The following LMNB1 variants were observed in gnomAD, a reference collection of about 807,000 sequenced individuals.
The protein encoded by LMNB1 is lamin-B1.
Under a neutral mutation model 67.1 loss-of-function variants are expected in LMNB1, and 23 were observed. The ratio of observed to expected loss-of-function variants is 0.34; its 90% CI spans 0.25 to 0.49. The LOEUF is 0.49. Ranked by LOEUF, LMNB1 falls within the 20% of genes least tolerant of loss-of-function variation. The pLI is 0.99. For missense variants in LMNB1, 634 were observed against 746.5 expected (o/e 0.85, Z 1.76); for synonymous variants, 281 against 282.9 (o/e 0.99, Z 0.07).
At chr5:126,780,815 T>A (rs1180073318) in intron 1 of LMNB1, among the ~76,000 whole-genome samples, 1 of 152,188 alleles carries the variant, frequency 6.6e-6, no homozygotes, top group Non-Finnish European at 1.5e-5. Context: ...AATTAGGACT[T>A]TTTTTATATG....
chr5:126,777,500 C>A lies in LMNB1; in HGVS notation c.-9C>A. The A allele has an allele frequency of 7.5e-7, 1 of 1,328,368 alleles. No individual in the cohort carries two copies. The allele number at this position is 1,328,368 out of a possible 1,614,324, so 82.3% of individuals were successfully genotyped here. On this transcript the variant is annotated 5_prime_UTR_variant, in exon 1 of 11. Coordinates refer to ENST00000261366, the MANE Select transcript of LMNB1 (RefSeq NM_005573.4). The stretch of plus-strand genomic sequence containing the variant: ...CGGCCTCGCCGCCCCGCTGTCTCCG[C>A]CGCCCGCCATGGCGACTGCGACCCC...
Position 126,814,440 on chromosome 5 carries a change from A to G in LMNB1, c.939+2542A>G, listed in dbSNP as rs533236529. 6.6e-5 allele frequency among the ~76,000 whole-genome samples: 10 copies of G among 152,000 alleles called. No homozygotes were observed. In the South Asian group the frequency reaches 2.1e-3, roughly 32 times the overall value. The stretch of plus-strand genomic sequence containing the variant: ...CTGTGCTTTGGATGAGGAGACTGTT[A>G]TTAATAAGTAGTAGTGGGCTCTGAA... On this transcript the variant is annotated intron_variant, in intron 5 of 10. Coordinates refer to ENST00000261366, the MANE Select transcript of LMNB1 (RefSeq NM_005573.4).
chr5:126,796,131 T>C (rs542282708), intron 1 of LMNB1, among the ~76,000 whole-genome samples: 1 of 151,954 alleles, frequency 6.6e-6, no homozygotes, highest in Non-Finnish European at 1.5e-5. Flanking sequence ...AGGGTTTCTC[T>C]GTGTTGAGGC....
At position 126,777,761 on chromosome 5, in the gene LMNB1, G is replaced by C. The variant is rs1319334391; in HGVS notation, c.253G>C (p.Glu85Gln). ...LTGLKALYET[E>Q]LADARRALDD... ...CGGCCTCAAGGCGCTCTACGAGACC[G>C]AGCTGGCCGACGCGCGACGCGCGCT... The change falls in exon 1 of 11, where the codon GAG (glutamate) becomes CAG (glutamine). Residue 85 changes from glutamate (E) to glutamine (Q), a missense_variant. Glu to Gln is a conservative substitution (Grantham distance 29). Transcript: ENST00000261366. 6.6e-7 allele frequency: 1 copy of C among 1,522,318 alleles called. No individual in the cohort carries two copies. The highest frequency in any genetic ancestry group is 2.1e-5 in the Admixed American group (1 of 48,750). The allele number at this position is 1,522,318 out of a possible 1,614,324, so 94.3% of individuals were successfully genotyped here.
intron 5 of LMNB1, among the ~76,000 whole-genome samples, chr5:126,814,037 C>T (rs757112081): frequency 3.9e-5 from 6 of 151,964 alleles, no homozygotes; most frequent in Non-Finnish European, 8.8e-5. Flanking sequence ...CTGGGATTAC[C>T]GGCATGCACC....
intron 1 of LMNB1, among the ~76,000 whole-genome samples, chr5:126,783,928 G>C (rs1217038845): frequency 6.6e-6 from 1 of 151,418 alleles, no homozygotes; most frequent in Non-Finnish European, 1.5e-5. Flanking sequence ...ATTATTTTTA[G>C]GATCAGGGAA....
intron 1 of LMNB1, among the ~76,000 whole-genome samples, chr5:126,798,177 C>T (rs1478437898): frequency 6.7e-6 from 1 of 149,226 alleles, no homozygotes; most frequent in African/African-American, 2.5e-5. Context: ...AAGCTGGGCG[C>T]GGTGGCTCAC....
intron 9 of LMNB1, among the ~76,000 whole-genome samples, chr5:126,827,271 C>T (rs770604741): frequency 1.3e-5 from 2 of 152,150 alleles, no homozygotes; most frequent in East Asian, 1.9e-4. Context: ...AAAAGCCATA[C>T]GTGGTTTCTG....
At chr5:126,790,027 C>T (rs1369385261) in intron 1 of LMNB1, among the ~76,000 whole-genome samples, 1 of 151,958 alleles carries the variant, frequency 6.6e-6, no homozygotes, top group Middle Eastern at 3.2e-3. Context: ...TGGTCTTGAA[C>T]TCCCGACCTC....
chr5:126,822,506 G>A (rs566078115), intron 7 of LMNB1, among the ~76,000 whole-genome samples: 1 of 152,334 alleles, frequency 6.6e-6, no homozygotes, highest in East Asian at 1.9e-4. Flanking sequence ...ACCTTATCTA[G>A]CAGTGAATTT....
intron 9 of LMNB1, among the ~76,000 whole-genome samples, chr5:126,827,886 A>C (rs1317219426): frequency 6.6e-6 from 1 of 152,194 alleles, no homozygotes; most frequent in Admixed American, 6.5e-5. Flanking sequence ...GTCTGCTCCC[A>C]TAGTGCCACG....
rs367547957 is a variant in LMNB1, at chr5:126,805,677, G to A, written c.623G>A (p.Arg208His). ...AGCCTTACTGAGGACTTGGAGTTTC[G>A]CAAAAGCATGTATGAAGAGGTAACT... ...CQSLTEDLEF[R>H]KSMYEEEINE... The change falls in exon 3 of 11, where the codon CGC (arginine) becomes CAC (histidine). Residue 208 changes from arginine (R) to histidine (H), a missense_variant. Physicochemically the swap from Arg to His is conservative, Grantham distance 29. Transcript: ENST00000261366. 6.2e-6 allele frequency: 10 copies of A among 1,610,820 alleles called. No homozygotes were observed. The highest frequency in any genetic ancestry group is 2.2e-5 in the East Asian group (1 of 44,844).
chr5:126,805,744 A>G (rs1396411096), intron 3 of LMNB1, 48 bp downstream of exon 3: 8 of 1,361,214 alleles, frequency 5.9e-6, no homozygotes, highest in Non-Finnish European at 8.0e-6. Flanking sequence ...GGGTTCTAGA[A>G]TGACTTTGTC....
chr5:126,791,627 C>T (rs749115937), intron 1 of LMNB1, among the ~76,000 whole-genome samples: 1 of 151,742 alleles, frequency 6.6e-6, no homozygotes, highest in Non-Finnish European at 1.5e-5. Flanking sequence ...TGTGCCACTA[C>T]ACCTAGCTAA....
chr5:126,777,952 G>T, intron 1 of LMNB1, 85 bp downstream of exon 1: 1 of 1,297,968 alleles, frequency 7.7e-7, no homozygotes, highest in South Asian at 1.7e-5. Flanking sequence ...TCTGCCGTGG[G>T]GAGGGAGCAG....
At chr5:126,786,852 A>G (rs1750797718) in intron 1 of LMNB1, among the ~76,000 whole-genome samples, 2 of 152,210 alleles carry the variant, frequency 1.3e-5, no homozygotes, top group Admixed American at 6.5e-5. Flanking sequence ...TGAGGGCTTC[A>G]TTTGCTAAAG....
intron 9 of LMNB1, among the ~76,000 whole-genome samples, chr5:126,832,217 G>A (rs1392177350): frequency 6.6e-6 from 1 of 152,150 alleles, no homozygotes; most frequent in Non-Finnish European, 1.5e-5. Context: ...TCAGTGAACC[G>A]AGGTCATGCC....
At chr5:126,793,226 G>A (rs1048914012) in intron 1 of LMNB1, among the ~76,000 whole-genome samples, 2 of 152,078 alleles carry the variant, frequency 1.3e-5, no homozygotes, top group Non-Finnish European at 2.9e-5. Context: ...GTAGTTATTG[G>A]TTTTTCTTTT....
At chr5:126,778,205 C>T (rs1399646522) in intron 1 of LMNB1, among the ~76,000 whole-genome samples, 1 of 151,936 alleles carries the variant, frequency 6.6e-6, no homozygotes, top group African/African-American at 2.4e-5. Context: ...GGAGAGGCGG[C>T]CCCTCAGGCC....
Sources: allele counts gnomAD v4.1 joint callset (sites outside exome capture counted in the v4.1 genomes callset), GRCh38; gene constraint gnomAD v4.1.1; transcripts MANE v1.5; gene names NCBI Gene and HGNC (gene_info 2026-07-23, HGNC 2026-07-21).